The following SIDT1 variants were observed in gnomAD, a reference collection of about 807,000 sequenced individuals.
The protein encoded by SIDT1 is SID1 transmembrane family, member 1.
Under a neutral mutation model 107.5 loss-of-function variants are expected in SIDT1, and 101 were observed. The observed-to-expected ratio is 0.94, with a 90% confidence interval of 0.80 to 1.11. The LOEUF (loss-of-function observed/expected upper bound fraction) is 1.11, where lower values mean the gene tolerates loss of function less well. SIDT1 is among the 50% of genes least tolerant of loss of function. SIDT1 has a pLI of 0.00. For missense variants in SIDT1, 1,076 were observed against 1,058.2 expected, an observed-to-expected ratio of 1.02 and a Z score of -0.23; for synonymous variants, 395 against 398.2, an observed-to-expected ratio of 0.99 and a Z score of 0.10.
intron 1 of SIDT1, among the ~76,000 whole-genome samples, chr3:113,540,515 G>A (rs938286036): frequency 1.3e-5 from 2 of 152,170 alleles, no homozygotes; most frequent in African/African-American, 4.8e-5. Context: ...CATGGGTGTT[G>A]AGTGAAATTA....
chr3:113,590,623 T>A (rs34561841), intron 9 of SIDT1, among the ~76,000 whole-genome samples: 23,851 of 152,198 alleles, frequency 0.16, 1,955 homozygotes, highest in Non-Finnish European at 0.18. Context: ...ACAAGATTTC[T>A]TGAGATCAAT....
At chr3:113,586,844 T>C (rs1170464247) in intron 9 of SIDT1, among the ~76,000 whole-genome samples, 1 of 152,206 alleles carries the variant, frequency 6.6e-6, no homozygotes, top group Non-Finnish European at 1.5e-5. Context: ...ATAAACATTC[T>C]ATTAAAATGT....
At chr3:113,551,635 T>C (rs1200927116) in intron 1 of SIDT1, among the ~76,000 whole-genome samples, 1 of 152,180 alleles carries the variant, frequency 6.6e-6, no homozygotes, top group Admixed American at 6.5e-5. Flanking sequence ...TGAAACAAGA[T>C]TTTTTATTAT....
chr3:113,568,591 C>T (rs1220445727), intron 3 of SIDT1, among the ~76,000 whole-genome samples: 3 of 107,506 alleles, frequency 2.8e-5, no homozygotes. Flanking sequence ...AAGACTCTGT[C>T]TCAAAAAAAA....
At chr3:113,569,390 G>A (rs560597221) in intron 3 of SIDT1, among the ~76,000 whole-genome samples, 8 of 152,030 alleles carry the variant, frequency 5.3e-5, no homozygotes, top group African/African-American at 1.9e-4. Context: ...TTAAAAAATC[G>A]GAATATTTCA....
intron 1 of SIDT1, among the ~76,000 whole-genome samples, chr3:113,563,275 G>A (rs1321896567): frequency 2.6e-5 from 4 of 152,184 alleles, no homozygotes; most frequent in South Asian, 2.1e-4. Flanking sequence ...GCCAAATGAA[G>A]CAAAGACAAA....
rs189069538 is a variant in SIDT1, at chr3:113,605,186, G to A, written c.1404+210G>A. ...CACCCTGGCTGGAGTGCAATGGCACGATGTCGGCTCACTGCAACCTCTGCC... is the reference window on the plus strand; with the variant it reads ...CACCCTGGCTGGAGTGCAATGGCACAATGTCGGCTCACTGCAACCTCTGCC... On this transcript the variant is annotated intron_variant, in intron 14 of 24. Transcript: ENST00000264852. Among the ~76,000 whole-genome samples the A allele has an allele frequency of 1.6e-3, 215 of 133,986 alleles. 2 individuals carry two copies. In the South Asian group the frequency reaches 0.034, roughly 21 times the overall value. The allele number at this position is 133,986 out of a possible 152,430, so 87.9% of individuals were successfully genotyped here.
chr3:113,572,213 G>C (rs1021642829), intron 3 of SIDT1, among the ~76,000 whole-genome samples: 24 of 152,204 alleles, frequency 1.6e-4, no homozygotes, highest in Middle Eastern at 3.2e-3. Flanking sequence ...AAAAAGAACA[G>C]ATGATAACTT....
At chr3:113,542,064 C>T (rs1938965784) in intron 1 of SIDT1, among the ~76,000 whole-genome samples, 1 of 151,890 alleles carries the variant, frequency 6.6e-6, no homozygotes, top group South Asian at 2.1e-4. Context: ...GCTGGGATTA[C>T]AGGTGCGTGC....
intron 1 of SIDT1, among the ~76,000 whole-genome samples, chr3:113,551,884 G>A (rs1177792014): frequency 2.0e-5 from 3 of 151,542 alleles, no homozygotes; most frequent in African/African-American, 7.3e-5. Flanking sequence ...CATCAATGCT[G>A]GGTTCCTTCT....
At chr3:113,630,365 C>T (rs922706956), downstream of SIDT1, among the ~76,000 whole-genome samples, 4 of 152,046 alleles carry the variant, frequency 2.6e-5, no homozygotes, top group South Asian at 2.1e-4. Flanking sequence ...GGGATTCGCC[C>T]GGTTTTATTT....
At chr3:113,561,546 C>T (rs1355529778) in intron 1 of SIDT1, among the ~76,000 whole-genome samples, 4 of 152,146 alleles carry the variant, frequency 2.6e-5, no homozygotes, top group Admixed American at 1.3e-4. Flanking sequence ...CCAACTCTAA[C>T]ATTAGTGATC....
chr3:113,619,274 C>A (rs2107791405), intron 20 of SIDT1, among the ~76,000 whole-genome samples: 1 of 152,270 alleles, frequency 6.6e-6, no homozygotes, highest in East Asian at 1.9e-4. Context: ...CTGAGAGTTG[C>A]AATAGTGGCT....
chr3:113,633,395 T>C (rs761225997), downstream of SIDT1, among the ~76,000 whole-genome samples: 3 of 152,116 alleles, frequency 2.0e-5, no homozygotes, highest in African/African-American at 4.8e-5. Flanking sequence ...GGATGGAACA[T>C]TCAGGAAAAG....
intron 13 of SIDT1, among the ~76,000 whole-genome samples, chr3:113,604,443 C>G (rs1945179947): frequency 6.6e-6 from 1 of 152,224 alleles, no homozygotes; most frequent in South Asian, 2.1e-4. Flanking sequence ...TCACTCATTA[C>G]TTACACTCTG....
rs576233083 is a variant in SIDT1, at chr3:113,566,851, A to C, written c.344+310A>C. On this transcript the variant is annotated intron_variant, in intron 2 of 24. Transcript: ENST00000264852. ...AGCCCTCCAATGGGCTATGTCTAGC[A>C]GTTAACATAAGTGAGTAACTCTTCC... Among the ~76,000 whole-genome samples, 9 of 152,274 alleles carry C rather than the reference A, an allele frequency of 5.9e-5. No homozygotes were observed. The South Asian group carries it at 1.7e-3, about 28-fold the overall frequency.
rs1409019760 is a variant in SIDT1 at position 113,533,025 on chromosome 3, C to A, written c.4C>A (p.Arg2Ser). M[R>S]GCLRLALLCA... Reference sequence around the variant, plus strand: ...GAGCCCGGGCGCGGTGCCCACCATGCGCGGCTGCCTGCGGCTCGCGCTGCT... The same window carrying A: ...GAGCCCGGGCGCGGTGCCCACCATGAGCGGCTGCCTGCGGCTCGCGCTGCT... Residue 2 changes from arginine (R) to serine (S), a missense_variant, in exon 1 of 25, where the codon CGC becomes AGC. Coordinates refer to ENST00000264852, the MANE Select transcript of SIDT1 (RefSeq NM_017699.3). 1.4e-4 allele frequency: 188 copies of A among 1,369,384 alleles called. No homozygotes were observed. The East Asian group carries it at 5.6e-3, about 41-fold the overall frequency. 84.8% of individuals were successfully genotyped at this position (1,369,384 alleles called of 1,614,324 possible).
At chr3:113,566,578 T>C in intron 2 of SIDT1, 37 bp downstream of exon 2, 1 of 1,600,388 alleles carries the variant, frequency 6.2e-7, no homozygotes, top group Non-Finnish European at 8.5e-7. Flanking sequence ...TCACTATGTT[T>C]AGTTTTCTTC....
intron 19 of SIDT1, chr3:113,615,145 C>G: frequency 6.8e-7 from 1 of 1,476,988 alleles, no homozygotes; most frequent in Non-Finnish European, 9.1e-7. Flanking sequence ...CCTGGCTGTC[C>G]TGGCAGCCCT....
Sources: gnomAD v4.1 joint callset for allele counts (sites outside exome capture counted in the v4.1 genomes callset) on GRCh38, gnomAD v4.1.1 for gene constraint, MANE v1.5 for transcripts, NCBI Gene and HGNC (gene_info 2026-07-23, HGNC 2026-07-21) for gene names.